Variants in ERI3 observed in about 807,000 individuals in gnomAD.
ERI3 encodes ERI1 exoribonuclease 3.
In ERI3, 18 loss-of-function variants were observed where a neutral mutation model predicts 44.4. The observed-to-expected ratio is 0.41, with a 90% CI of 0.28 to 0.60. The LOEUF (loss-of-function observed/expected upper bound fraction) is 0.60. Among genes scored for constraint, ERI3 ranks in the 20% least tolerant of loss-of-function variants. The pLI, the probability that ERI3 is intolerant of heterozygous loss-of-function variation, is 0.36. For missense variants in ERI3, 294 were observed against 435.5 expected (o/e 0.68, Z 2.89); for synonymous variants, 183 against 164.8 (o/e 1.11, Z -0.84).
chr1:44,236,529 G>A (rs1455107208), intron 8 of ERI3, among the ~76,000 whole-genome samples: 1 of 152,164 alleles, frequency 6.6e-6, no homozygotes, highest in African/African-American at 2.4e-5. Context: ...GCTGAGCTCT[G>A]AGGGATGAGG....
intron 7 of ERI3, among the ~76,000 whole-genome samples, chr1:44,275,773 G>A (rs1645169337): frequency 6.6e-6 from 1 of 152,140 alleles, no homozygotes; most frequent in South Asian, 2.1e-4. Flanking sequence ...CAGCTGCTGG[G>A]TTTGACTGGC....
intron 7 of ERI3, among the ~76,000 whole-genome samples, chr1:44,264,718 A>G (rs1263924184): frequency 2.0e-5 from 3 of 152,190 alleles, no homozygotes; most frequent in African/African-American, 7.2e-5. Context: ...TCAGCCTTCC[A>G]AATCAGCTGA....
In ERI3 at chr1:44,235,810, C is replaced by T. The variant is rs1644290927; in HGVS notation, c.931+12129G>A. ...CTGTCTGGCCAGCCTGTCCTGCAAA[C>T]CCAGGCAGTCAAGGGTGGCAGTGGT... On this transcript the variant is annotated intron_variant, in intron 8 of 8. Transcript: ENST00000372257. The surrounding 1 kb of genome is among the most constrained non-coding windows in gnomAD (Gnocchi z 4.6). Among the ~76,000 whole-genome samples, 1 of 152,162 alleles carries T rather than the reference C, an allele frequency of 6.6e-6. No individual in the cohort carries two copies. The highest frequency in any genetic ancestry group is 2.1e-4 in the South Asian group (1 of 4,824).
At chr1:44,259,005 G>A (rs1644832696) in intron 7 of ERI3, among the ~76,000 whole-genome samples, 1 of 152,118 alleles carries the variant, frequency 6.6e-6, no homozygotes, top group Admixed American at 6.5e-5. Context: ...ATATGATGGA[G>A]AGTGCACGCT....
chr1:44,283,026 C>T (rs765569980), intron 7 of ERI3, among the ~76,000 whole-genome samples: 2 of 152,196 alleles, frequency 1.3e-5, no homozygotes, highest in Non-Finnish European at 2.9e-5. Context: ...ATCCATACAC[C>T]AAAAAGTCTA....
intron 6 of ERI3, among the ~76,000 whole-genome samples, chr1:44,288,421 C>G (rs1645437580): frequency 2.6e-5 from 4 of 152,326 alleles, no homozygotes; most frequent in Admixed American, 2.0e-4. Context: ...TCATGAGAGA[C>G]ATAGGGTCAA....
At chr1:44,232,831 T>C (rs1644217412) in intron 8 of ERI3, among the ~76,000 whole-genome samples, 4 of 152,166 alleles carry the variant, frequency 2.6e-5, no homozygotes. Context: ...TTTAACTAGG[T>C]ACACACTGAT....
chr1:44,269,912 CAT>C (rs1192777057), intron 7 of ERI3, among the ~76,000 whole-genome samples: 2 of 152,202 alleles, frequency 1.3e-5, no homozygotes, highest in African/African-American at 4.8e-5. Flanking sequence ...TAAATGCAAT[CAT>C]GTGTGTAAAG....
chr1:44,259,875 C>CTACA lies in ERI3; in HGVS notation c.832-11838_832-11837insTGTA, dbSNP rs1553185591. On this transcript the variant is annotated intron_variant, in intron 7 of 8. Transcript: ENST00000372257. ...AGCCTGAGTGACAGAGGAAAACCCT[C>CTACA]TAGATAGATAGATAGATAGATAGAT... Among the ~76,000 whole-genome samples the CTACA allele has an allele frequency of 2.2e-5, 3 of 135,854 alleles. No homozygotes were observed. In the Admixed American group the frequency reaches 2.3e-4, roughly 10 times the overall value. The allele number at this position is 135,854 out of a possible 152,430, so 89.1% of individuals were successfully genotyped here.
chr1:44,275,570 G>T (rs576396570), intron 7 of ERI3, among the ~76,000 whole-genome samples: 2 of 152,230 alleles, frequency 1.3e-5, no homozygotes, highest in Non-Finnish European at 2.9e-5. Flanking sequence ...CCTCCCAGGG[G>T]AGAGGGAGAA....
At chr1:44,331,361 C>G (rs1646425137) in intron 3 of ERI3, among the ~76,000 whole-genome samples, 1 of 151,842 alleles carries the variant, frequency 6.6e-6, no homozygotes, top group African/African-American at 2.4e-5. Flanking sequence ...ATTCCCCAGC[C>G]TTTGACTCTC....
At chr1:44,265,052 C>G (rs904688737) in intron 7 of ERI3, among the ~76,000 whole-genome samples, 5 of 152,160 alleles carry the variant, frequency 3.3e-5, no homozygotes, top group African/African-American at 1.2e-4. Context: ...TAGCCTTGAG[C>G]CAGGAGGCCA....
At chr1:44,266,983 G>A (rs1342646038) in intron 7 of ERI3, among the ~76,000 whole-genome samples, 3 of 152,222 alleles carry the variant, frequency 2.0e-5, no homozygotes, top group Non-Finnish European at 4.4e-5. Flanking sequence ...AGTAAGAGAA[G>A]GGAAGCTGAA....
chr1:44,286,442 G>C (rs746476461), intron 6 of ERI3, among the ~76,000 whole-genome samples: 8 of 152,088 alleles, frequency 5.3e-5, no homozygotes, highest in Non-Finnish European at 8.8e-5. Flanking sequence ...TTTGAAGAGA[G>C]GTCTGGAATA....
chr1:44,294,214 A>T (rs368847435), intron 6 of ERI3, among the ~76,000 whole-genome samples: 1 of 152,250 alleles, frequency 6.6e-6, no homozygotes, highest in Non-Finnish European at 1.5e-5. Flanking sequence ...AGTTCCCAAC[A>T]GAAACCAGAA....
intron 3 of ERI3, among the ~76,000 whole-genome samples, chr1:44,334,519 T>G (rs1345480474): frequency 6.6e-6 from 1 of 152,200 alleles, no homozygotes; most frequent in Non-Finnish European, 1.5e-5. Context: ...GGAGCCACAT[T>G]CCTGAAATTT....
In ERI3 at chr1:44,282,879, C is replaced by A. The variant is rs536957540; in HGVS notation, c.831+1956G>T. On this transcript the variant is annotated intron_variant, in intron 7 of 8. Transcript: ENST00000372257. ...CAGCACAGTCTGCAGGGGAACCAAA[C>A]TGAACAGACTCTGGGCAGCCTGCCT... is the stretch of plus-strand genomic sequence containing the variant. Among the ~76,000 whole-genome samples the A allele has an allele frequency of 8.5e-5, 13 of 152,292 alleles. No individual in the cohort carries two copies. In the South Asian group the frequency reaches 2.7e-3, roughly 32 times the overall value.
At chr1:44,267,518 A>G (rs990009389) in intron 7 of ERI3, among the ~76,000 whole-genome samples, 2 of 152,238 alleles carry the variant, frequency 1.3e-5, no homozygotes, top group African/African-American at 4.8e-5. Flanking sequence ...GGCATTTTAT[A>G]TCTTTTTATG....
intron 6 of ERI3, among the ~76,000 whole-genome samples, chr1:44,292,437 C>T (rs1645526840): frequency 6.6e-6 from 1 of 152,154 alleles, no homozygotes; most frequent in Non-Finnish European, 1.5e-5. Flanking sequence ...TCACTGAGAC[C>T]CAGGACCCTC....
Sources: allele counts gnomAD v4.1 joint callset (sites outside exome capture counted in the v4.1 genomes callset), GRCh38; gene constraint gnomAD v4.1.1; non-coding constraint Gnocchi (gnomAD v3.1); transcripts MANE v1.5; gene names NCBI Gene and HGNC (gene_info 2026-07-23, HGNC 2026-07-21).